Variants in TSPAN5 observed in about 807,000 individuals in gnomAD.
The protein encoded by TSPAN5 is tetraspanin-5.
A neutral mutation model predicts 37.1 loss-of-function variants in TSPAN5; 10 were observed. The observed-to-expected ratio is 0.27, with a 90% CI of 0.17 to 0.46. The LOEUF (loss-of-function observed/expected upper bound fraction) is 0.46. Ranked by LOEUF, TSPAN5 falls within the 20% of genes least tolerant of loss-of-function variation. The pLI, the probability that TSPAN5 is intolerant of heterozygous loss-of-function variation, is 1.00. For missense variants in TSPAN5, 195 were observed against 326.6 expected, an observed-to-expected ratio of 0.60 and a Z score of 3.11; for synonymous variants, 110 against 118.9, an observed-to-expected ratio of 0.93 and a Z score of 0.48.
rs182046910 is a variant in TSPAN5, at chr4:98,540,545, C to T, written c.82-32817G>A. On this transcript the variant is annotated intron_variant, in intron 1 of 7. Transcript: ENST00000305798. Reference sequence around the variant, plus strand: ...TAGAGATGGGGTTTCGCCATGTTGGCCAGGCTGGTCTTGAACTCCTGACCT... The same window carrying T: ...TAGAGATGGGGTTTCGCCATGTTGGTCAGGCTGGTCTTGAACTCCTGACCT... Among the ~76,000 whole-genome samples, 406 of 152,236 alleles carry T rather than the reference C, an allele frequency of 2.7e-3. 2 individuals are homozygous for T. The highest frequency in any genetic ancestry group is 9.5e-3 in the African/African-American group (395 of 41,530).
At chr4:98,619,028 A>T (rs2110245052) in intron 1 of TSPAN5, among the ~76,000 whole-genome samples, 1 of 152,306 alleles carries the variant, frequency 6.6e-6, no homozygotes, top group Admixed American at 6.5e-5. Flanking sequence ...AGAGAGTATT[A>T]AATAAACATG....
chr4:98,636,990 G>GC (rs1756869890), intron 1 of TSPAN5, among the ~76,000 whole-genome samples: 2 of 152,148 alleles, frequency 1.3e-5, no homozygotes, highest in African/African-American at 4.8e-5. Context: ...AGCACCTGAT[G>GC]AGCAGTCCTT....
chr4:98,651,864 C>CTTTT (rs552597633), intron 1 of TSPAN5, among the ~76,000 whole-genome samples: 1 of 95,240 alleles, frequency 1.0e-5, no homozygotes, highest in Admixed American at 1.1e-4. Context: ...CTTCAACATA[C>CTTTT]TTTTTTTTTT....
intron 2 of TSPAN5, among the ~76,000 whole-genome samples, chr4:98,489,261 G>A (rs904080230): frequency 1.3e-5 from 2 of 152,188 alleles, no homozygotes; most frequent in Non-Finnish European, 2.9e-5. Context: ...GCTGGGAAAG[G>A]TGACCGCACC....
chr4:98,629,078 C>T (rs1026908640), intron 1 of TSPAN5, among the ~76,000 whole-genome samples: 6 of 152,008 alleles, frequency 3.9e-5, no homozygotes, highest in African/African-American at 1.4e-4. Flanking sequence ...GTATATGTTA[C>T]TGCAATTAAA....
At position 98,478,687 on chromosome 4, in the gene TSPAN5, C is replaced by T. The variant is rs371510012; in HGVS notation, c.574G>A (p.Ala192Thr). ...VPFSCCTKDP[A>T]EDVINTQCGY... ...ATAGTTCGCTGGCATTCACTTACTG[C>T]GGGATCTTTAGTGCAGCAGGAGAAT... is the stretch of plus-strand genomic sequence containing the variant. The change falls in exon 5 of 8, where the codon GCA (alanine) becomes ACA (threonine). Residue 192 changes from alanine (A) to threonine (T), a missense_variant and splice_region_variant. By Grantham distance (58) the Ala-to-Thr change is moderately conservative (BLOSUM62 0). Transcript: ENST00000305798. 24 of 1,614,142 alleles carry T rather than the reference C, an allele frequency of 1.5e-5. No individual in the cohort carries two copies. Among genetic ancestry groups the T allele is most frequent in the African/African-American group, 4.0e-5 (3 of 75,038 alleles).
At chr4:98,478,537 G>T (rs927279959) in intron 5 of TSPAN5, 148 bp downstream of exon 5, 6 of 908,086 alleles carry the variant, frequency 6.6e-6, no homozygotes, top group African/African-American at 6.6e-5. Context: ...CTACTAGGAA[G>T]ATTTGAGCAC....
intron 1 of TSPAN5, among the ~76,000 whole-genome samples, chr4:98,508,423 C>A (rs1181101648): frequency 1.3e-5 from 2 of 151,948 alleles, no homozygotes; most frequent in Non-Finnish European, 1.5e-5. Flanking sequence ...TACATACCCA[C>A]AAATCTCACC....
chr4:98,488,832 C>T (rs1375265550), intron 2 of TSPAN5, among the ~76,000 whole-genome samples: 4 of 152,096 alleles, frequency 2.6e-5, no homozygotes, highest in Non-Finnish European at 4.4e-5. Flanking sequence ...GTGGGAGGAT[C>T]GCTTGAGGCC....
At position 98,471,891 on chromosome 4, in the gene TSPAN5, CACA is replaced by C. The variant is rs1752592697; in HGVS notation, c.*628_*630del. ...GCCCTTGCTCGGTGCACATGAAATA[CACA>C]ACTTCTCTTATAAGGAGACTTTCCA... On this transcript the variant is annotated 3_prime_UTR_variant, in exon 8 of 8. Transcript: ENST00000305798. 1.3e-5 allele frequency: 2 copies of C among 152,224 alleles called. No individual in the cohort carries two copies. The highest frequency in any genetic ancestry group is 2.9e-5 in the Non-Finnish European group (2 of 68,044). The allele number at this position is 152,224 out of a possible 1,614,324, so 9.4% of individuals were successfully genotyped here.
At chr4:98,531,460 AGTCT>A (rs1754086441) in intron 1 of TSPAN5, among the ~76,000 whole-genome samples, 2 of 152,196 alleles carry the variant, frequency 1.3e-5, no homozygotes, top group Admixed American at 1.3e-4. Context: ...TTCTTCATCC[AGTCT>A]ATCACTGATG....
chr4:98,637,999 T>C (rs571428500), intron 1 of TSPAN5, among the ~76,000 whole-genome samples: 1 of 152,352 alleles, frequency 6.6e-6, no homozygotes, highest in African/African-American at 2.4e-5. Context: ...AGATCGGCTC[T>C]TCCTGCTCCT....
At chr4:98,542,195 T>C (rs1204330093) in intron 1 of TSPAN5, among the ~76,000 whole-genome samples, 1 of 152,190 alleles carries the variant, frequency 6.6e-6, no homozygotes, top group Non-Finnish European at 1.5e-5. Flanking sequence ...CAGCCCCACC[T>C]AAGTGTGAGC....
intron 1 of TSPAN5, among the ~76,000 whole-genome samples, chr4:98,635,011 A>G (rs1317423432): frequency 6.6e-6 from 1 of 152,212 alleles, no homozygotes; most frequent in Non-Finnish European, 1.5e-5. Flanking sequence ...AGAGAGCTGG[A>G]CAGAAGCACA....
At chr4:98,555,649 A>C (rs954544689) in intron 1 of TSPAN5, among the ~76,000 whole-genome samples, 1 of 152,210 alleles carries the variant, frequency 6.6e-6, no homozygotes, top group Non-Finnish European at 1.5e-5. Flanking sequence ...TGTATGAATG[A>C]TATTTCCCAA....
intron 1 of TSPAN5, among the ~76,000 whole-genome samples, chr4:98,639,858 TCTTTA>T (rs1399227785): frequency 1.3e-5 from 2 of 152,168 alleles, no homozygotes; most frequent in African/African-American, 2.4e-5. Context: ...GTTCCAGAAA[TCTTTA>T]CTTAGTTAAG....
Position 98,653,512 on chromosome 4 carries a change from T to C in TSPAN5, c.81+4634A>G, listed in dbSNP as rs987532421. ...CCACCGTTTCCATTGAGTTCTTTCC[T>C]AACAAGTCACTATAAAATCTATTGA... is the stretch of plus-strand genomic sequence containing the variant. On this transcript the variant is annotated intron_variant, in intron 1 of 7. Transcript: ENST00000305798. Among the ~76,000 whole-genome samples, 5 of 152,182 alleles carry C rather than the reference T, an allele frequency of 3.3e-5. No homozygotes were observed. In the South Asian group the frequency reaches 1.0e-3, roughly 31 times the overall value.
intron 1 of TSPAN5, among the ~76,000 whole-genome samples, chr4:98,535,973 A>G (rs1754223310): frequency 6.6e-6 from 1 of 152,170 alleles, no homozygotes; most frequent in Non-Finnish European, 1.5e-5. Context: ...GCATTGGGTT[A>G]GAGCATGCTC....
chr4:98,613,991 C>T (rs1234579633), intron 1 of TSPAN5, among the ~76,000 whole-genome samples: 1 of 152,108 alleles, frequency 6.6e-6, no homozygotes, highest in Non-Finnish European at 1.5e-5. Context: ...ACTTTATCCT[C>T]TCCTTATTTC....
Sources: allele counts gnomAD v4.1 joint callset (sites outside exome capture counted in the v4.1 genomes callset), GRCh38; gene constraint gnomAD v4.1.1; transcripts MANE v1.5; gene names NCBI Gene and HGNC (gene_info 2026-07-23, HGNC 2026-07-21).